AGAP3: variants seen among roughly 807,000 people sequenced by gnomAD.
The protein encoded by AGAP3 is ArfGAP with GTPase domain, ankyrin repeat and PH domain 3.
In AGAP3, 24 loss-of-function variants were observed where a neutral mutation model predicts 96.9. That is an observed-to-expected ratio of 0.25 (90% CI 0.18 to 0.35). The LOEUF (loss-of-function observed/expected upper bound fraction) is 0.35. Among genes scored for constraint, AGAP3 ranks in the 10% least tolerant of loss-of-function variants. AGAP3 has a pLI of 1.00. For missense variants in AGAP3, 876 were observed against 1,254.2 expected (o/e 0.70, Z 4.55); for synonymous variants, 563 against 536.1 (o/e 1.05, Z -0.69).
At chr7:151,100,209 C>G (rs116731684) in intron 1 of AGAP3, among the ~76,000 whole-genome samples, 1 of 152,200 alleles carries the variant, frequency 6.6e-6, no homozygotes, top group Non-Finnish European at 1.5e-5. Flanking sequence ...CGTGCTCCCC[C>G]AGCTGCGGTG....
intron 9 of AGAP3, among the ~76,000 whole-genome samples, chr7:151,127,093 A>C (rs1374665633): frequency 6.6e-6 from 1 of 152,116 alleles, no homozygotes; most frequent in Non-Finnish European, 1.5e-5. Flanking sequence ...GGGGAGGGAG[A>C]GGTCCAGGAA....
intron 1 of AGAP3, among the ~76,000 whole-genome samples, chr7:151,100,823 C>CA (rs1325177025): frequency 1.3e-5 from 2 of 152,172 alleles, no homozygotes; most frequent in Non-Finnish European, 2.9e-5. Flanking sequence ...GCCTGGAAGA[C>CA]AGAGTGAGAC....
chr7:151,110,963 G>A (rs1188115130), intron 1 of AGAP3, among the ~76,000 whole-genome samples: 4 of 152,162 alleles, frequency 2.6e-5, no homozygotes, highest in East Asian at 1.9e-4. Flanking sequence ...GAGTTGTCTC[G>A]GGACAGCTGC....
At chr7:151,103,742 C>T (rs1798923998) in intron 1 of AGAP3, among the ~76,000 whole-genome samples, 1 of 152,198 alleles carries the variant, frequency 6.6e-6, no homozygotes, top group Admixed American at 6.5e-5. Context: ...AAAGGTCTTA[C>T]AGAGCTTTTT....
At chr7:151,125,956 G>C (rs892744069) in intron 9 of AGAP3, among the ~76,000 whole-genome samples, 2 of 152,086 alleles carry the variant, frequency 1.3e-5, no homozygotes, top group Non-Finnish European at 2.9e-5. Flanking sequence ...CGGCCGGCCG[G>C]GGAGGGAGCA....
intron 5 of AGAP3, 57 bp downstream of exon 5, chr7:151,117,834 A>C (rs1291703008): frequency 1.3e-6 from 2 of 1,556,656 alleles, no homozygotes; most frequent in African/African-American, 1.4e-5. Flanking sequence ...GCAACGATGC[A>C]TGGGGGCAGG....
In AGAP3 at chr7:151,118,370, A is replaced by T; in HGVS notation, c.841+26A>T. On this transcript the variant is annotated intron_variant, in intron 6 of 17. Transcript: ENST00000397238. This position sits in a 1 kb window ranked among gnomAD's most constrained non-coding sequence, Gnocchi z 6.1. ...GTAACTCGGGTGCCGGGTGGGAGTC[A>T]CTGGCAGCCGCGGCCCCAGTGCTGG... 1 of 1,600,944 alleles carries T rather than the reference A, an allele frequency of 6.2e-7. No homozygotes were observed. Among genetic ancestry groups the T allele is most frequent in the Non-Finnish European group, 8.5e-7 (1 of 1,169,922 alleles).
At chr7:151,087,660 C>T (rs559530787) in intron 1 of AGAP3, among the ~76,000 whole-genome samples, 15 of 152,336 alleles carry the variant, frequency 9.8e-5, no homozygotes, top group South Asian at 2.1e-4. Flanking sequence ...CGCGCTTTGG[C>T]CGGGTCATGA....
rs762904348 is a variant in AGAP3, at chr7:151,143,116, C to T, written c.2274-225C>T. Among the ~76,000 whole-genome samples the T allele has an allele frequency of 1.1e-4, 17 of 152,224 alleles. No homozygotes were observed. The highest frequency in any genetic ancestry group is 2.2e-4 in the Non-Finnish European group (15 of 68,030). ...TCCCCAGGGGGCCTCCCTTCAGTGT[C>T]CCTTCCTTTCAGCTTCTCCCACCCC... On this transcript the variant is annotated intron_variant, in intron 16 of 17. Transcript: ENST00000397238. The surrounding 1 kb of genome is among the most constrained non-coding windows in gnomAD (Gnocchi z 5.9).
At chr7:151,104,412 G>A (rs1007695639) in intron 1 of AGAP3, among the ~76,000 whole-genome samples, 6 of 152,278 alleles carry the variant, frequency 3.9e-5, no homozygotes, top group African/African-American at 1.4e-4. Context: ...TTGCGTGCCC[G>A]CTATACGAAG....
chr7:151,124,228 C>T (rs758624623), intron 9 of AGAP3, among the ~76,000 whole-genome samples: 3 of 152,204 alleles, frequency 2.0e-5, no homozygotes, highest in Non-Finnish European at 2.9e-5. Context: ...AATGAGCAAC[C>T]CGAGAAGCCT....
rs1157510041 is a variant in AGAP3 at position 151,133,432 on chromosome 7, C to T, written c.1327-968C>T. 6.6e-6 allele frequency among the ~76,000 whole-genome samples: 1 copy of T among 152,104 alleles called. No homozygotes were observed. The highest frequency in any genetic ancestry group is 2.1e-4 in the South Asian group (1 of 4,834). ...GGCCAGGAAGCGGCAGGCTCCCACC[C>T]TCCCTCCCTGCACTCGGCCGTGGTG... On this transcript the variant is annotated intron_variant, in intron 10 of 17. Transcript: ENST00000397238. The surrounding 1 kb of genome is among the most constrained non-coding windows in gnomAD (Gnocchi z 5.4).
Position 151,114,861 on chromosome 7 carries a change from C to A in AGAP3, c.332-1932C>A. The A allele has an allele frequency of 2.9e-6, 3 of 1,032,076 alleles. No individual in the cohort carries two copies. Among genetic ancestry groups the A allele is most frequent in the South Asian group, 7.4e-5 (2 of 27,006 alleles). 63.9% of individuals were successfully genotyped at this position (1,032,076 alleles called of 1,614,324 possible). On this transcript the variant is annotated intron_variant, in intron 1 of 17. Transcript: ENST00000397238. This position sits in a 1 kb window ranked among gnomAD's most constrained non-coding sequence, Gnocchi z 4.4. Reference sequence around the variant, plus strand: ...CCACAGCGTCTGCGACTCGCTGGACCTGCACGGCGCCTCGGCCGGCCGCGC... The same window carrying A: ...CCACAGCGTCTGCGACTCGCTGGACATGCACGGCGCCTCGGCCGGCCGCGC...
chr7:151,123,777 C>G lies in AGAP3; in HGVS notation c.1129-17C>G, dbSNP rs1394348940. ...GACCCTGGGCCTCTTTAACACGCCTCTTGTTTTCTCTTCCAGTCTCGGAAG... is the reference window on the plus strand; with the variant it reads ...GACCCTGGGCCTCTTTAACACGCCTGTTGTTTTCTCTTCCAGTCTCGGAAG... On this transcript the variant is annotated splice_polypyrimidine_tract_variant and intron_variant, in intron 8 of 17. Coordinates refer to ENST00000397238, the MANE Select transcript of AGAP3 (RefSeq NM_031946.7). 7 of 1,613,090 alleles carry G rather than the reference C, an allele frequency of 4.3e-6. No individual in the cohort carries two copies. Among genetic ancestry groups the G allele is most frequent in the East Asian group, 2.2e-5 (1 of 44,882 alleles).
chr7:151,113,037 T>G (rs1397366763), intron 1 of AGAP3, among the ~76,000 whole-genome samples: 1 of 152,188 alleles, frequency 6.6e-6, no homozygotes, highest in Non-Finnish European at 1.5e-5. Context: ...CCCGACCCTT[T>G]GCTTGCATTT....
Position 151,138,142 on chromosome 7 carries a change from G to C in AGAP3, c.1496-1G>C. On this transcript the variant is annotated splice_acceptor_variant, in intron 11 of 17. Transcript: ENST00000397238. LOFTEE classifies it high-confidence loss of function. The stretch of plus-strand genomic sequence containing the variant: ...CCCAGTCTGACCCTTCCCGCCCCCA[G>C]GTGCCCCCCACTCGGCCAGCAGCGC... The C allele has an allele frequency of 1.3e-6, 2 of 1,591,984 alleles. No individual in the cohort carries two copies. Among genetic ancestry groups the C allele is most frequent in the Non-Finnish European group, 1.7e-6 (2 of 1,169,072 alleles).
chr7:151,112,738 A>G (rs950175971), intron 1 of AGAP3, among the ~76,000 whole-genome samples: 1 of 152,052 alleles, frequency 6.6e-6, no homozygotes, highest in Admixed American at 6.6e-5. Context: ...AGCTGGGACC[A>G]CAGGCTCGTG....
At chr7:151,120,530 G>A (rs1385827995) in intron 8 of AGAP3, 12 of 879,066 alleles carry the variant, frequency 1.4e-5, no homozygotes, top group Non-Finnish European at 1.5e-5. Flanking sequence ...CTAATGAACC[G>A]GCGGCCGGAA....
Position 151,123,869 on chromosome 7 carries a change from G to A in AGAP3, c.1204G>A (p.Ala402Thr). 3.7e-6 allele frequency: 6 copies of A among 1,609,246 alleles called. No individual in the cohort carries two copies. Among genetic ancestry groups the A allele is most frequent in the Non-Finnish European group, 4.2e-6 (5 of 1,179,834 alleles). ...CKVDSIGSGR[A>T]IPIKQGILLK... The stretch of plus-strand genomic sequence containing the variant: ...GGTGGACAGCATCGGGAGCGGCCGC[G>A]CCATCCCCATCAAGCAGGTCAGCGC... Residue 402 changes from alanine to threonine, a missense_variant, in exon 9 of 18, where the codon GCC (alanine) becomes ACC (threonine). Transcript: ENST00000397238.
Sources: allele counts gnomAD v4.1 joint callset (sites outside exome capture counted in the v4.1 genomes callset), GRCh38; gene constraint gnomAD v4.1.1; non-coding constraint Gnocchi (gnomAD v3.1); transcripts MANE v1.5; gene names NCBI Gene and HGNC (gene_info 2026-07-23, HGNC 2026-07-21).